USP46: variants seen among roughly 807,000 people sequenced by gnomAD.
USP46 encodes the protein ubiquitin specific peptidase 46.
USP46 carries 12 observed loss-of-function variants against 44.4 expected under a neutral mutation model. That is an observed-to-expected ratio of 0.27 (90% CI 0.17 to 0.44). The LOEUF is 0.44. Ranked by LOEUF, USP46 falls within the 20% of genes least tolerant of loss-of-function variation. The pLI, the probability that USP46 is intolerant of heterozygous loss-of-function variation, is 1.00. For synonymous variants in USP46, 155 were observed against 161.5 expected (o/e 0.96, Z 0.31); for missense variants, 248 against 444.8 (o/e 0.56, Z 3.98).
intron 4 of USP46, among the ~76,000 whole-genome samples, chr4:52,619,897 G>A (rs897740100): frequency 6.6e-6 from 1 of 152,148 alleles, no homozygotes; most frequent in Admixed American, 6.5e-5. Context: ...TAACTCCAGA[G>A]AAAAAACACT....
intron 4 of USP46, among the ~76,000 whole-genome samples, chr4:52,624,349 T>A (rs1717496275): frequency 6.6e-6 from 1 of 152,158 alleles, no homozygotes. Flanking sequence ...GTGCAGAAAG[T>A]GTTTTGACAG....
At position 52,597,574 on chromosome 4, in the gene USP46, C is replaced by T. The variant is rs116144418; in HGVS notation, c.*66G>A. ...GGCCACTGGGGAAGAGGAAAGCCTG[C>T]GGAGAAGCCGGGTGACAGTGCTGTG... is the stretch of plus-strand genomic sequence containing the variant. On this transcript the variant is annotated 3_prime_UTR_variant, in exon 9 of 9. Transcript: ENST00000441222. 337 of 1,133,778 alleles carry T rather than the reference C, an allele frequency of 3.0e-4. No homozygotes were observed. The African/African-American group carries it at 4.3e-3, about 14-fold the overall frequency. The allele number at this position is 1,133,778 out of a possible 1,614,324, so 70.2% of individuals were successfully genotyped here.
chr4:52,636,446 G>A (rs1242032508), intron 1 of USP46, among the ~76,000 whole-genome samples: 1 of 152,006 alleles, frequency 6.6e-6, no homozygotes, highest in East Asian at 1.9e-4. Context: ...GGTGGCTCAC[G>A]TCTGTAATCC....
At chr4:52,611,249 G>A (rs534189040) in intron 4 of USP46, among the ~76,000 whole-genome samples, 7 of 152,338 alleles carry the variant, frequency 4.6e-5, no homozygotes, top group Admixed American at 3.3e-4. Flanking sequence ...GGCTCACACA[G>A]GCCCGCCATA....
intron 5 of USP46, among the ~76,000 whole-genome samples, chr4:52,604,875 A>G (rs899248430): frequency 2.6e-5 from 4 of 152,220 alleles, no homozygotes; most frequent in African/African-American, 7.2e-5. Context: ...AGGCAGATAT[A>G]AATTAGGGTT....
intron 1 of USP46, among the ~76,000 whole-genome samples, chr4:52,635,217 T>C (rs1451143081): frequency 6.6e-6 from 1 of 152,186 alleles, no homozygotes; most frequent in African/African-American, 2.4e-5. Flanking sequence ...TTTGAGTATA[T>C]GGATAACGGA....
At chr4:52,603,595 G>C (rs1235300854) in intron 6 of USP46, among the ~76,000 whole-genome samples, 1 of 152,156 alleles carries the variant, frequency 6.6e-6, no homozygotes, top group Non-Finnish European at 1.5e-5. Context: ...AGATTAATGG[G>C]GGTTATTCCA....
At chr4:52,627,594 AG>A (rs776865665) in intron 3 of USP46, among the ~76,000 whole-genome samples, 9 of 152,258 alleles carry the variant, frequency 5.9e-5, no homozygotes, top group Non-Finnish European at 8.8e-5. Flanking sequence ...TTTATAAGCC[AG>A]TACTATTTTA....
At chr4:52,624,971 G>A (rs1322235074) in intron 4 of USP46, among the ~76,000 whole-genome samples, 1 of 152,150 alleles carries the variant, frequency 6.6e-6, no homozygotes, top group East Asian at 1.9e-4. Flanking sequence ...CAACTCATGA[G>A]GGATTGCGTT....
chr4:52,609,308 T>C (rs2109604909), intron 5 of USP46, among the ~76,000 whole-genome samples: 1 of 152,314 alleles, frequency 6.6e-6, no homozygotes, highest in East Asian at 1.9e-4. Flanking sequence ...TTTTATTTTT[T>C]AAAGTTATCA....
chr4:52,591,475 C>T lies in USP46; in HGVS notation c.*6165G>A, dbSNP rs1716009737. The T allele has an allele frequency of 6.6e-6, 1 of 152,200 alleles. No individual in the cohort carries two copies. Among genetic ancestry groups the T allele is most frequent in the Admixed American group, 6.5e-5 (1 of 15,282 alleles). 9.4% of individuals were successfully genotyped at this position (152,200 alleles called of 1,614,324 possible). A position where few individuals can be genotyped will look rare whatever the true frequency, so the allele number is the denominator to read the frequency against. On this transcript the variant is annotated 3_prime_UTR_variant, in exon 9 of 9. Coordinates refer to ENST00000441222, the MANE Select transcript of USP46 (RefSeq NM_022832.4). Reference sequence around the variant, plus strand: ...GTAGAATTCCACACTGCCTTAAGCACAACCTCACTCTTTCTCTCACTCTTG... The same window carrying T: ...GTAGAATTCCACACTGCCTTAAGCATAACCTCACTCTTTCTCTCACTCTTG...
At chr4:52,611,104 G>C (rs538381034) in intron 4 of USP46, among the ~76,000 whole-genome samples, 1 of 152,288 alleles carries the variant, frequency 6.6e-6, no homozygotes, top group Admixed American at 6.5e-5. Flanking sequence ...GTGGGCCAGG[G>C]AGCCTGACAG....
At chr4:52,607,704 T>C (rs867768932) in intron 5 of USP46, among the ~76,000 whole-genome samples, 9 of 152,268 alleles carry the variant, frequency 5.9e-5, no homozygotes, top group Middle Eastern at 6.8e-3. Context: ...GTCCTCACCA[T>C]ACATCGTGGA....
chr4:52,610,461 T>C, intron 5 of USP46, 80 bp downstream of exon 5: 3 of 1,243,656 alleles, frequency 2.4e-6, no homozygotes, highest in Non-Finnish European at 3.5e-6. Flanking sequence ...GAAGATTATG[T>C]CCTGAAGAAA....
intron 4 of USP46, among the ~76,000 whole-genome samples, chr4:52,625,245 G>A (rs1717532100): frequency 6.6e-6 from 1 of 151,884 alleles, no homozygotes; most frequent in South Asian, 2.1e-4. Flanking sequence ...CTCCAAGATG[G>A]GCATTCTCAT....
chr4:52,639,860 GT>G (rs34078992), intron 1 of USP46, among the ~76,000 whole-genome samples: 3,097 of 116,626 alleles, frequency 0.027, 50 homozygotes, highest in African/African-American at 0.079. Context: ...CCATGCCTGG[GT>G]TTTTTTTTTT....
At chr4:52,602,278 T>G (rs917024419) in intron 6 of USP46, among the ~76,000 whole-genome samples, 4 of 152,318 alleles carry the variant, frequency 2.6e-5, no homozygotes, top group Middle Eastern at 3.4e-3. Context: ...TGTGTCTGTT[T>G]GTTGGAAGGA....
chr4:52,652,870 T>C (rs1371236404), intron 1 of USP46, among the ~76,000 whole-genome samples: 1 of 152,220 alleles, frequency 6.6e-6, no homozygotes, highest in African/African-American at 2.4e-5. Context: ...TTCACTCTAT[T>C]ATTCCACATT....
rs1220062969 is a variant in USP46 at position 52,597,704 on chromosome 4, A to G, written c.1037T>C (p.Leu346Pro). ...TGAATTTTTTGATATATCTGACGTC[A>G]GGCCATAGAATTCTTCAATAGCTTG... ...DAQAIEEFYGLTSDISKNSES... is the reference protein window; with the variant it reads ...DAQAIEEFYGPTSDISKNSES... Residue 346 changes from leucine (L) to proline (P), a missense_variant, in exon 9 of 9, where the codon CTG becomes CCG. Leu to Pro is a moderately conservative substitution (Grantham distance 98). Around this residue, in one of 5 missense-constraint regions of USP46, gnomAD observed 28 missense variants for 28.5 expected, o/e 0.98. Transcript: ENST00000441222. The G allele has an allele frequency of 6.2e-7, 1 of 1,603,688 alleles. No individual in the cohort carries two copies.
Sources: gnomAD v4.1 joint callset for allele counts (sites outside exome capture counted in the v4.1 genomes callset) on GRCh38, gnomAD v4.1.1 for gene constraint, gnomAD v4.1.1 regional missense constraint, MANE v1.5 for transcripts, NCBI Gene and HGNC (gene_info 2026-07-23, HGNC 2026-07-21) for gene names.